The following SLC35D1 variants were observed in gnomAD, a reference collection of about 807,000 sequenced individuals.
SLC35D1 encodes the protein nucleotide sugar transporter SLC35D1.
SLC35D1 carries 31 observed loss-of-function variants against 46.7 expected under a neutral mutation model. The observed-to-expected ratio is 0.66, with a 90% confidence interval of 0.50 to 0.90. The LOEUF (loss-of-function observed/expected upper bound fraction) is 0.90, where lower values mean the gene tolerates loss of function less well. SLC35D1 is among the 40% of genes least tolerant of loss of function. SLC35D1 has a pLI of 0.00. For missense variants in SLC35D1, 397 were observed against 426.2 expected, an observed-to-expected ratio of 0.93 and a Z score of 0.60; for synonymous variants, 195 against 164.6, an observed-to-expected ratio of 1.18 and a Z score of -1.41.
chr1:67,043,466 A>G (rs534391448), intron 7 of SLC35D1, among the ~76,000 whole-genome samples: 1 of 152,214 alleles, frequency 6.6e-6, no homozygotes, highest in South Asian at 2.1e-4. Context: ...CCTTGAACCC[A>G]GGAATCCAAG....
the SLC35D1 span, among the ~76,000 whole-genome samples, chr1:66,973,847 A>G: frequency 2.0e-5 from 3 of 152,236 alleles, no homozygotes; most frequent in African/African-American, 7.2e-5. Flanking sequence ...GTAATTCCTT[A>G]AAGATAGCTT....
chr1:67,052,032 C>G lies in SLC35D1; in HGVS notation c.372G>C (p.Leu124=), dbSNP rs1215043387. 6.8e-6 allele frequency: 11 copies of G among 1,609,484 alleles called. No homozygotes were observed. The highest frequency in any genetic ancestry group is 2.7e-5 in the African/African-American group (2 of 74,792). ...CATACTTCAGTTTCTTTGTGCTGAACAGTCCCGTGATTTGGTTCCCAAAAT... is the reference window on the plus strand; with the variant it reads ...CATACTTCAGTTTCTTTGTGCTGAAGAGTCCCGTGATTTGGTTCCCAAAAT... ...LLYFGNQITG[L]FSTKKLNLPM... Residue 124 remains leucine, a synonymous_variant, in exon 4 of 12, where the codon CTG becomes CTC. Transcript: ENST00000235345.
chr1:66,977,801 A>G, the SLC35D1 span, among the ~76,000 whole-genome samples: 2 of 152,204 alleles, frequency 1.3e-5, no homozygotes, highest in African/African-American at 2.4e-5. Flanking sequence ...TGTTTACAGA[A>G]TAAAAAAATA....
chr1:66,981,735 T>A, the SLC35D1 span: 1 of 1,490,832 alleles, frequency 6.7e-7, no homozygotes, highest in Non-Finnish European at 9.1e-7. Flanking sequence ...TAATTTTTAA[T>A]TTTCAGCTCT....
rs901111954 is a variant in SLC35D1, at chr1:67,001,013, G to A, written c.*3327C>T. The A allele has an allele frequency of 2.6e-5, 4 of 152,238 alleles. No homozygotes were observed. The East Asian group carries it at 5.6e-4, about 21-fold the overall frequency. 9.4% of individuals were successfully genotyped at this position (152,238 alleles called of 1,614,324 possible). On this transcript the variant is annotated 3_prime_UTR_variant, in exon 12 of 12. Transcript: ENST00000235345. ...CATCTGTCTCCTTTCTCCCACTCAGGGTCCAGGTTTCCATATCTGGCTAAA... is the reference window on the plus strand; with the variant it reads ...CATCTGTCTCCTTTCTCCCACTCAGAGTCCAGGTTTCCATATCTGGCTAAA...
intron 10 of SLC35D1, among the ~76,000 whole-genome samples, chr1:67,012,726 C>G (rs1214627529): frequency 6.6e-6 from 1 of 152,068 alleles, no homozygotes; most frequent in Non-Finnish European, 1.5e-5. Context: ...TTTGTAAGCT[C>G]ACACTCCCTG....
chr1:66,985,603 T>C, the SLC35D1 span: 3 of 985,304 alleles, frequency 3.0e-6, no homozygotes, highest in Non-Finnish European at 3.6e-6. Flanking sequence ...TACATATGTC[T>C]TGACTGAGCT....
chr1:66,984,388 G>A, the SLC35D1 span, among the ~76,000 whole-genome samples: 1 of 152,148 alleles, frequency 6.6e-6, no homozygotes, highest in South Asian at 2.1e-4. Flanking sequence ...GTAATGAAAT[G>A]GAGATACAGA....
chr1:67,053,643 G>A (rs954119933), intron 1 of SLC35D1, among the ~76,000 whole-genome samples, 168 bp downstream of exon 1: 1 of 151,850 alleles, frequency 6.6e-6, no homozygotes, highest in African/African-American at 2.4e-5. Context: ...CGCTCGCCAG[G>A]CCGGCTCCGC....
the SLC35D1 span, among the ~76,000 whole-genome samples, chr1:66,992,248 T>C: frequency 2.6e-5 from 4 of 152,364 alleles, no homozygotes; most frequent in East Asian, 7.7e-4. Context: ...TGCAAACTTG[T>C]AGTGGCTTTC....
rs945039958 is a variant in SLC35D1, at chr1:67,047,350, T to C, written c.551A>G (p.Asp184Gly). Residue 184 changes from aspartate (D) to glycine (G), a missense_variant, in exon 7 of 12, where the codon GAT (aspartate) becomes GGT (glycine). By Grantham distance (94) the Asp-to-Gly change is moderately conservative. Coordinates refer to ENST00000235345, the MANE Select transcript of SLC35D1 (RefSeq NM_015139.3). The stretch of plus-strand genomic sequence containing the variant: ...CAGAATAAAAGCATATCCTTCCAGA[T>C]CAAATGCCAAGTCAGAGCTGCAAAA... ...FVAASSDLAF[D>G]LEGYAFILIN... The C allele has an allele frequency of 1.2e-6, 2 of 1,613,086 alleles. No homozygotes were observed. Among genetic ancestry groups the C allele is most frequent in the Non-Finnish European group, 1.7e-6 (2 of 1,179,876 alleles).
At chr1:66,986,379 A>T in the SLC35D1 span, 1 of 1,606,484 alleles carries the variant, frequency 6.2e-7, no homozygotes, top group Non-Finnish European at 8.5e-7. Flanking sequence ...TAAAATATTA[A>T]TTATTCTTGT....
chr1:67,023,406 A>C (rs1202640906), intron 8 of SLC35D1, among the ~76,000 whole-genome samples: 1 of 152,104 alleles, frequency 6.6e-6, no homozygotes, highest in African/African-American at 2.4e-5. Context: ...ATTTCCCTAA[A>C]GACTATCAAT....
chr1:67,004,180 T>TA lies in SLC35D1; in HGVS notation c.*159dup. Reference sequence around the variant, plus strand: ...AGTCAATTATAAGTTTCTCTCTTCATAAAATTTTAAAAGGCAGCAATCAAT... The same window carrying TA: ...AGTCAATTATAAGTTTCTCTCTTCATAAAAATTTTAAAAGGCAGCAATCAAT... On this transcript the variant is annotated 3_prime_UTR_variant, in exon 12 of 12. Coordinates refer to ENST00000235345, the MANE Select transcript of SLC35D1 (RefSeq NM_015139.3). 4 of 665,530 alleles carry TA rather than the reference T, an allele frequency of 6.0e-6. No homozygotes were observed. The highest frequency in any genetic ancestry group is 4.9e-5 in the South Asian group (3 of 61,670). The allele number at this position is 665,530 out of a possible 1,614,324, so 41.2% of individuals were successfully genotyped here.
chr1:66,995,720 T>A (rs1667232604), downstream of SLC35D1, among the ~76,000 whole-genome samples: 1 of 152,150 alleles, frequency 6.6e-6, no homozygotes, highest in Non-Finnish European at 1.5e-5. Context: ...CAAATCCTAG[T>A]TGTTTTTCAG....
At chr1:66,981,967 TC>T in the SLC35D1 span, 1 of 1,590,278 alleles carries the variant, frequency 6.3e-7, no homozygotes, top group Admixed American at 1.7e-5. Flanking sequence ...AGGGACACTT[TC>T]TTGCAGTGAC....
At chr1:67,042,689 T>C (rs1645205221) in intron 7 of SLC35D1, among the ~76,000 whole-genome samples, 1 of 152,290 alleles carries the variant, frequency 6.6e-6, no homozygotes, top group Non-Finnish European at 1.5e-5. Context: ...AACATCTCTC[T>C]GAAGCCATTC....
At chr1:67,012,545 C>CA (rs10674963) in intron 10 of SLC35D1, among the ~76,000 whole-genome samples, 5,410 of 102,988 alleles carry the variant, frequency 0.053, 193 homozygotes, top group African/African-American at 0.057. Context: ...ACTCCTAAAT[C>CA]AAAAAAAAAA....
At chr1:67,026,795 G>T (rs887967846) in intron 8 of SLC35D1, among the ~76,000 whole-genome samples, 1 of 152,092 alleles carries the variant, frequency 6.6e-6, no homozygotes, top group African/African-American at 2.4e-5. Context: ...TCACAGCTCC[G>T]CATGGCTGGG....
Sources: allele counts gnomAD v4.1 joint callset (sites outside exome capture counted in the v4.1 genomes callset), GRCh38; gene constraint gnomAD v4.1.1; transcripts MANE v1.5; gene names NCBI Gene and HGNC (gene_info 2026-07-23, HGNC 2026-07-21).